Variants in SH3PXD2A observed in about 807,000 individuals in gnomAD.
SH3PXD2A encodes SH3 and PX domain-containing protein 2A.
Under a neutral mutation model 115.2 loss-of-function variants are expected in SH3PXD2A, and 32 were observed. That is an observed-to-expected ratio of 0.28 (90% CI 0.21 to 0.37). The LOEUF (loss-of-function observed/expected upper bound fraction) is 0.37, where lower values mean the gene tolerates loss of function less well. Among genes scored for constraint, SH3PXD2A ranks in the 10% least tolerant of loss-of-function variants. SH3PXD2A has a pLI of 1.00. For missense variants in SH3PXD2A, 1,328 were observed against 1,498.7 expected, an observed-to-expected ratio of 0.89 and a Z score of 1.88; for synonymous variants, 610 against 629.1, an observed-to-expected ratio of 0.97 and a Z score of 0.45.
At chr10:103,641,328 G>A (rs1305328324) in intron 8 of SH3PXD2A, among the ~76,000 whole-genome samples, 1 of 152,156 alleles carries the variant, frequency 6.6e-6, no homozygotes, top group Non-Finnish European at 1.5e-5. Flanking sequence ...CTGGCAGTGA[G>A]GATGAGAAAG....
At chr10:103,674,783 G>A (rs1377494305) in intron 6 of SH3PXD2A, among the ~76,000 whole-genome samples, 5 of 152,100 alleles carry the variant, frequency 3.3e-5, no homozygotes, top group South Asian at 2.1e-4. Context: ...TCACGCCACC[G>A]CACTCCAGCC....
chr10:103,647,426 G>A (rs1451054079), intron 8 of SH3PXD2A, among the ~76,000 whole-genome samples: 1 of 152,174 alleles, frequency 6.6e-6, no homozygotes, highest in Admixed American at 6.5e-5. Flanking sequence ...CCAGGGTGTG[G>A]AGGGCAGGTC....
intron 4 of SH3PXD2A, among the ~76,000 whole-genome samples, chr10:103,734,732 G>A (rs1230062906): frequency 1.3e-5 from 2 of 152,196 alleles, no homozygotes; most frequent in African/African-American, 4.8e-5. Flanking sequence ...CTGGGCTGCA[G>A]AGAAAGATCT....
chr10:103,823,855 G>A (rs2039404126), intron 1 of SH3PXD2A, among the ~76,000 whole-genome samples: 1 of 152,184 alleles, frequency 6.6e-6, no homozygotes, highest in African/African-American at 2.4e-5. Context: ...AGGGCAGCGG[G>A]CAGGGGACAG....
chr10:103,653,411 C>T (rs1422647144), intron 8 of SH3PXD2A, among the ~76,000 whole-genome samples: 1 of 152,220 alleles, frequency 6.6e-6, no homozygotes, highest in African/African-American at 2.4e-5. Context: ...GGCTACAACT[C>T]GGGTGAGCAG....
Position 103,665,929 on chromosome 10 carries a change from C to A in SH3PXD2A, c.472+2679G>T, listed in dbSNP as rs2037378546. ...GCATGAGTCTGATCCAGAGATGGAC[C>A]CTTGTGCTTTATTACAGAGCCCCTG... On this transcript the variant is annotated intron_variant, in intron 7 of 14. Transcript: ENST00000369774. This position sits in a 1 kb window ranked among gnomAD's most constrained non-coding sequence, Gnocchi z 4.0. 6.6e-6 allele frequency among the ~76,000 whole-genome samples: 1 copy of A among 152,094 alleles called. No individual in the cohort carries two copies. Among genetic ancestry groups the A allele is most frequent in the South Asian group, 2.1e-4 (1 of 4,824 alleles).
chr10:103,602,160 T>C lies in SH3PXD2A; in HGVS notation c.3058A>G (p.Thr1020Ala). 1 of 1,576,200 alleles carries C rather than the reference T, an allele frequency of 6.3e-7. No homozygotes were observed. The highest frequency in any genetic ancestry group is 8.6e-7 in the Non-Finnish European group (1 of 1,159,886). ...GCCTCGGCGGCAGCGGAGCGAGCAG[T>C]GCTAAAGGAGGAGTTCCGTCGGACG... Reference protein sequence around the residue: ...RGVRRNSSFSTARSAAAEAKG... With the variant: ...RGVRRNSSFSAARSAAAEAKG... Residue 1020 changes from threonine to alanine, a missense_variant, in exon 15 of 15, where the codon ACT becomes GCT. Around this residue, in one of 5 missense-constraint regions of SH3PXD2A, gnomAD observed 574 missense variants for 565.7 expected, o/e 1.01. Coordinates refer to ENST00000369774, the MANE Select transcript of SH3PXD2A (RefSeq NM_001394015.1).
chr10:103,618,703 A>G (rs561147901), intron 10 of SH3PXD2A, among the ~76,000 whole-genome samples: 67 of 152,306 alleles, frequency 4.4e-4, no homozygotes, highest in Admixed American at 3.7e-3. Flanking sequence ...TGAGCTCAAA[A>G]CAGCGGGATG....
chr10:103,737,258 T>A (rs2038391257), intron 3 of SH3PXD2A, among the ~76,000 whole-genome samples: 1 of 152,224 alleles, frequency 6.6e-6, no homozygotes, highest in Non-Finnish European at 1.5e-5. Flanking sequence ...ACCATTTTCT[T>A]TTTCATTTAA....
intron 8 of SH3PXD2A, among the ~76,000 whole-genome samples, chr10:103,633,727 C>CAAAAAAAAAAAAA (rs35917262): frequency 4.0e-5 from 3 of 74,320 alleles, no homozygotes; most frequent in African/African-American, 1.6e-4. Flanking sequence ...GATTCTGTCT[C>CAAAAAAAAAAAAA]AAAAAAAAAA....
At chr10:103,675,136 C>G (rs1358731256) in intron 6 of SH3PXD2A, among the ~76,000 whole-genome samples, 1 of 152,308 alleles carries the variant, frequency 6.6e-6, no homozygotes, top group East Asian at 1.9e-4. Context: ...GACCCCAGGC[C>G]TGCTCCTACA....
intron 8 of SH3PXD2A, among the ~76,000 whole-genome samples, chr10:103,650,733 C>T (rs1011170998): frequency 7.9e-5 from 5 of 63,182 alleles, no homozygotes; most frequent in Admixed American, 6.5e-4. Context: ...CTCACGGTGC[C>T]CAGAGCAGAT....
chr10:103,602,979 T>G lies in SH3PXD2A; in HGVS notation c.2239A>C (p.Thr747Pro). The G allele has an allele frequency of 6.2e-7, 1 of 1,614,002 alleles. No homozygotes were observed. Among genetic ancestry groups the G allele is most frequent in the South Asian group, 1.1e-5 (1 of 91,066 alleles). ...GATGGCTTGGCCCGGGGACAGGAGGTCAGCCCAGCGTTCGCATCAGCATCC... is the reference window on the plus strand; with the variant it reads ...GATGGCTTGGCCCGGGGACAGGAGGGCAGCCCAGCGTTCGCATCAGCATCC... ...KKDADANAGL[T>P]SCPRAKPSVR... is the part of the protein sequence containing the mutation. The change falls in exon 15 of 15, where the codon ACC (threonine) becomes CCC (proline). Residue 747 changes from threonine to proline, a missense_variant. Physicochemically the swap from Thr to Pro is conservative, Grantham distance 38 (BLOSUM62 -1). This residue lies in a region of SH3PXD2A where 574 missense variants were observed against 565.7 expected (regional missense o/e 1.01). Coordinates refer to ENST00000369774, the MANE Select transcript of SH3PXD2A (RefSeq NM_001394015.1).
At chr10:103,690,669 C>G (rs1392088671) in intron 6 of SH3PXD2A, among the ~76,000 whole-genome samples, 1 of 152,194 alleles carries the variant, frequency 6.6e-6, no homozygotes, top group Non-Finnish European at 1.5e-5. Flanking sequence ...CTAGAAAACA[C>G]CTTTGCAGAA....
intron 3 of SH3PXD2A, among the ~76,000 whole-genome samples, chr10:103,738,516 G>A (rs1044047915): frequency 3.9e-5 from 6 of 152,098 alleles, no homozygotes; most frequent in Admixed American, 6.5e-5. Flanking sequence ...TGACACCAGC[G>A]GTCCAGCCGT....
chr10:103,797,360 A>G (rs1327997586), intron 2 of SH3PXD2A, among the ~76,000 whole-genome samples: 1 of 152,164 alleles, frequency 6.6e-6, no homozygotes, highest in African/African-American at 2.4e-5. Flanking sequence ...AGGCTTCAGA[A>G]AGCGTGGAAT....
At chr10:103,704,674 G>C (rs905655215) in intron 5 of SH3PXD2A, among the ~76,000 whole-genome samples, 1 of 152,218 alleles carries the variant, frequency 6.6e-6, no homozygotes, top group Admixed American at 6.5e-5. Flanking sequence ...GGACAAACGG[G>C]CTCCTGGCCA....
rs763997405 is a variant in SH3PXD2A, at chr10:103,602,261, G to A, written c.2957C>T (p.Pro986Leu). 2.0e-5 allele frequency: 33 copies of A among 1,612,032 alleles called. No individual in the cohort carries two copies. Among genetic ancestry groups the A allele is most frequent in the Admixed American group, 6.7e-5 (4 of 59,860 alleles). The change falls in exon 15 of 15, where the codon CCG becomes CTG. Residue 986 changes from proline to leucine, a missense_variant. By Grantham distance (98) the Pro-to-Leu change is moderately conservative. This residue lies in a region of SH3PXD2A where 574 missense variants were observed against 565.7 expected (regional missense o/e 1.01). Coordinates refer to ENST00000369774, the MANE Select transcript of SH3PXD2A (RefSeq NM_001394015.1). ...GGACAGGTTGTTGTCCTTGGGTGGC[G>A]GGGACACAAACACCGACTGGGGCCT... ...AVRPQSVFVS[P>L]PPKDNNLSCA... is the part of the protein sequence containing the mutation.
At chr10:103,854,211 C>A (rs1004526552) in intron 1 of SH3PXD2A, among the ~76,000 whole-genome samples, 4 of 152,188 alleles carry the variant, frequency 2.6e-5, no homozygotes, top group African/African-American at 9.7e-5. Flanking sequence ...CAGCAACCAG[C>A]GCCTGTTTTA....
Sources: gnomAD v4.1 joint callset for allele counts (sites outside exome capture counted in the v4.1 genomes callset) on GRCh38, gnomAD v4.1.1 for gene constraint, gnomAD v4.1.1 regional missense constraint, Gnocchi (gnomAD v3.1) non-coding constraint, MANE v1.5 for transcripts, NCBI Gene and HGNC (gene_info 2026-07-23, HGNC 2026-07-21) for gene names.